Variants in PCNX3 observed in about 807,000 individuals in gnomAD.
PCNX3 encodes the protein pecanex-like protein 3.
Under a neutral mutation model 207.2 loss-of-function variants are expected in PCNX3, and 58 were observed. The observed-to-expected ratio is 0.28, with a 90% confidence interval of 0.23 to 0.35. The LOEUF is 0.35. Ranked by LOEUF, PCNX3 falls within the 10% of genes least tolerant of loss-of-function variation. The pLI is 1.00. For missense variants in PCNX3, 2,410 were observed against 2,774.4 expected (o/e 0.87, Z 2.95); for synonymous variants, 1,337 against 1,183.5 (o/e 1.13, Z -2.66).
chr11:65,619,996 C>T (rs1854997997), intron 8 of PCNX3, 64 bp downstream of exon 8: 3 of 1,493,664 alleles, frequency 2.0e-6, no homozygotes, highest in African/African-American at 1.4e-5. Flanking sequence ...CCTGAGTCCT[C>T]CTAGCAGTGG....
intron 20 of PCNX3, chr11:65,626,470 AT>A (rs1565164863): frequency 2.5e-6 from 1 of 393,022 alleles, no homozygotes; most frequent in African/African-American, 2.1e-5. Context: ...GATTTGAGAT[AT>A]GAAGATCCAT....
rs772544265 is a variant in PCNX3 at position 65,618,775 on chromosome 11, C to T, written c.1413C>T (p.Pro471=). 1.2e-6 allele frequency: 2 copies of T among 1,611,562 alleles called. No individual in the cohort carries two copies. The highest frequency in any genetic ancestry group is 1.7e-6 in the Non-Finnish European group (2 of 1,179,328). The part of the protein sequence containing the change: ...AAGGPRKRRA[P]HGAEEGTAVP... ...GGGGACCCCGGAAGCGGAGGGCCCC[C>T]CATGGGGCTGAGGAGGGAACTGCTG... Residue 471 remains proline (P), a synonymous_variant, in exon 6 of 35, where the codon CCC becomes CCT. Coordinates refer to ENST00000355703, the MANE Select transcript of PCNX3 (RefSeq NM_032223.4).
At chr11:65,621,447 A>G (rs74406198) in intron 10 of PCNX3, among the ~76,000 whole-genome samples, 223 of 152,358 alleles carry the variant, frequency 1.5e-3, no homozygotes, top group African/African-American at 5.1e-3. Context: ...TACTTAATCT[A>G]TTAACACCAG....
intron 27 of PCNX3, 86 bp downstream of exon 27, chr11:65,630,690 T>A: frequency 6.6e-7 from 1 of 1,507,366 alleles, no homozygotes; most frequent in South Asian, 1.3e-5. Flanking sequence ...CTTTCTGGGT[T>A]GTTGGGAGCC....
At position 65,616,171 on chromosome 11, in the gene PCNX3, G is replaced by A. The variant is rs1007010764; in HGVS notation, c.-141G>A. 3.4e-6 allele frequency: 2 copies of A among 584,352 alleles called. No individual in the cohort carries two copies. Among genetic ancestry groups the A allele is most frequent in the Middle Eastern group, 5.1e-4 (1 of 1,972 alleles). 36.2% of individuals were successfully genotyped at this position (584,352 alleles called of 1,614,324 possible). On this transcript the variant is annotated 5_prime_UTR_variant, in exon 1 of 35. Coordinates refer to ENST00000355703, the MANE Select transcript of PCNX3 (RefSeq NM_032223.4). ...CCTGCTCGCACCCTCGCGCGGCCGAGCCCCCCTCCCCCGCTGGGGGAGGCC... is the reference window on the plus strand; with the variant it reads ...CCTGCTCGCACCCTCGCGCGGCCGAACCCCCCTCCCCCGCTGGGGGAGGCC...
intron 20 of PCNX3, 88 bp from the exon 21 acceptor site, chr11:65,626,816 C>G (rs1190177109): frequency 1.3e-6 from 2 of 1,536,332 alleles, no homozygotes; most frequent in African/African-American, 2.7e-5. Context: ...GGAGTCAGGA[C>G]CGCACAGCCT....
Position 65,627,541 on chromosome 11 carries a change from T to C in PCNX3, c.3661T>C (p.Phe1221Leu). 6.2e-7 allele frequency: 1 copy of C among 1,613,796 alleles called. No individual in the cohort carries two copies. Among genetic ancestry groups the C allele is most frequent in the Non-Finnish European group, 8.5e-7 (1 of 1,179,848 alleles). Residue 1221 changes from phenylalanine to leucine, a missense_variant, in exon 22 of 35, where the codon TTT (phenylalanine) becomes CTT (leucine). By Grantham distance (22) the Phe-to-Leu change is conservative. This residue lies in a region of PCNX3 where 333 missense variants were observed against 386.8 expected (regional missense o/e 0.86). Coordinates refer to ENST00000355703, the MANE Select transcript of PCNX3 (RefSeq NM_032223.4). ...HFDYPRLSQG[F>L]LLDYFLMSLL... ...TGACTACCCGCGCCTCTCCCAGGGC[T>C]TTCTGCTTGACTACTTCCTCATGTC...
At chr11:65,616,523 A>T in intron 1 of PCNX3, 59 bp downstream of exon 1, 1 of 1,537,964 alleles carries the variant, frequency 6.5e-7, no homozygotes, top group East Asian at 2.3e-5. Flanking sequence ...CCTGGCAGGG[A>T]TTCAGGGCAG....
intron 27 of PCNX3, among the ~76,000 whole-genome samples, chr11:65,630,807 G>T (rs1855588845): frequency 6.6e-6 from 1 of 152,230 alleles, no homozygotes; most frequent in South Asian, 2.1e-4. Flanking sequence ...GGCTCTGATA[G>T]GTGCCCAGGC....
chr11:65,626,288 C>T (rs938481885), intron 20 of PCNX3: 5 of 687,248 alleles, frequency 7.3e-6, no homozygotes, highest in East Asian at 2.9e-5. Flanking sequence ...CCTGGTCCTG[C>T]CCTCCTTCCT....
At chr11:65,619,439 A>C (rs1224423715) in intron 6 of PCNX3, 98 bp from the exon 7 acceptor site, 2 of 1,517,940 alleles carry the variant, frequency 1.3e-6, no homozygotes, top group Non-Finnish European at 8.8e-7. Context: ...TGGTTGTACT[A>C]GGCCTTTAGC....
chr11:65,618,143 C>G lies in PCNX3; in HGVS notation c.781C>G (p.Arg261Gly), dbSNP rs772564318. Residue 261 changes from arginine to glycine, a missense_variant, in exon 6 of 35, where the codon CGG (arginine) becomes GGG (glycine). Arg to Gly is a moderately radical substitution (Grantham distance 125). Around this residue, in one of 8 missense-constraint regions of PCNX3, gnomAD observed 1,104 missense variants for 970.3 expected, o/e 1.14. Coordinates refer to ENST00000355703, the MANE Select transcript of PCNX3 (RefSeq NM_032223.4). ...CTTCCTGACCCTGACCCAGCCTGAC[C>G]GGGCCCTGGTGAGGACCAGCAGTCG... is the stretch of plus-strand genomic sequence containing the variant. ...KSFLTLTQPD[R>G]ALVRTSSRRE... 3.1e-6 allele frequency: 5 copies of G among 1,610,116 alleles called. No homozygotes were observed. In the East Asian group the frequency reaches 8.9e-5, roughly 29 times the overall value.
At chr11:65,627,350 A>G (rs945610369) in intron 21 of PCNX3, 55 bp from the exon 22 acceptor site, 4 of 1,562,810 alleles carry the variant, frequency 2.6e-6, no homozygotes, top group Non-Finnish European at 3.5e-6. Flanking sequence ...TGGGACACCT[A>G]TACCCACTGC....
At position 65,616,434 on chromosome 11, in the gene PCNX3, C is replaced by A; in HGVS notation, c.123C>A (p.Phe41Leu). ...GCTTCCACCTCTATGTCTGGATCTTCCTGCTCATCTTTCCCTTCTTACTGT... is the reference window on the plus strand; with the variant it reads ...GCTTCCACCTCTATGTCTGGATCTTACTGCTCATCTTTCCCTTCTTACTGT... ...SNCFHLYVWIFLLIFPFLLYM... is the reference protein window; with the variant it reads ...SNCFHLYVWILLLIFPFLLYM... Residue 41 changes from phenylalanine to leucine, a missense_variant, in exon 1 of 35, where the codon TTC becomes TTA. Coordinates refer to ENST00000355703, the MANE Select transcript of PCNX3 (RefSeq NM_032223.4). 6.2e-7 allele frequency: 1 copy of A among 1,609,496 alleles called. No homozygotes were observed.
In PCNX3 at chr11:65,625,863, C is replaced by T. The variant is rs768684147; in HGVS notation, c.3229-41C>T. 5.6e-6 allele frequency: 9 copies of T among 1,603,974 alleles called. No individual in the cohort carries two copies. In the Admixed American group the frequency reaches 1.2e-4, roughly 21 times the overall value. The stretch of plus-strand genomic sequence containing the variant: ...AGGTGGCCCTCTGTGGTCCCTTGGC[C>T]TGCTCCCATCAGCTGAGTCTCTGGC... On this transcript the variant is annotated intron_variant, in intron 19 of 34. Coordinates refer to ENST00000355703, the MANE Select transcript of PCNX3 (RefSeq NM_032223.4). This position sits in a 1 kb window ranked among gnomAD's most constrained non-coding sequence, Gnocchi z 5.6.
Position 65,624,357 on chromosome 11 carries a change from G to C in PCNX3, c.2707G>C (p.Val903Leu). The C allele has an allele frequency of 6.4e-7, 1 of 1,554,160 alleles. No homozygotes were observed. Residue 903 changes from valine to leucine, a missense_variant, in exon 14 of 35, where the codon GTG (valine) becomes CTG (leucine). By Grantham distance (32) the Val-to-Leu change is conservative. This residue lies in a region of PCNX3 where 177 missense variants were observed against 257.5 expected (regional missense o/e 0.69). Transcript: ENST00000355703. ...CTCCTTCTTCTTCTGTGCCCGAGAC[G>C]TGGCCACTGGTGAGGCTGGGGCAGG... ...SASFFFCARD[V>L]ATVFTLCFPF...
Position 65,635,072 on chromosome 11 carries a change from T to C in PCNX3, c.4905T>C (p.Leu1635=). 1 of 1,613,810 alleles carries C rather than the reference T, an allele frequency of 6.2e-7. No homozygotes were observed. The highest frequency in any genetic ancestry group is 8.5e-7 in the Non-Finnish European group (1 of 1,179,816). Reference sequence around the variant, plus strand: ...GGGTCTTTGCCGACATGGACCTGCTTCACCGCGTTGTGGCGCCTGGGGTTC... The same window carrying C: ...GGGTCTTTGCCGACATGGACCTGCTCCACCGCGTTGTGGCGCCTGGGGTTC... ...DEWVFADMDL[L]HRVVAPGVRM... is the part of the protein sequence containing the mutation. Residue 1635 remains leucine, a synonymous_variant, in exon 30 of 35, where the codon CTT becomes CTC. Coordinates refer to ENST00000355703, the MANE Select transcript of PCNX3 (RefSeq NM_032223.4). This position sits in a 1 kb window ranked among gnomAD's most constrained non-coding sequence, Gnocchi z 9.9.
At chr11:65,631,665 A>C (rs185092307) in intron 27 of PCNX3, among the ~76,000 whole-genome samples, 6 of 152,250 alleles carry the variant, frequency 3.9e-5, no homozygotes, top group Non-Finnish European at 5.9e-5. Context: ...TCAAAAAAAA[A>C]AAAGGAATTT....
At position 65,625,633 on chromosome 11, in the gene PCNX3, G is replaced by C; in HGVS notation, c.3136-19G>C. On this transcript the variant is annotated intron_variant, in intron 18 of 34. Coordinates refer to ENST00000355703, the MANE Select transcript of PCNX3 (RefSeq NM_032223.4). The surrounding 1 kb of genome is among the most constrained non-coding windows in gnomAD (Gnocchi z 5.6). Reference sequence around the variant, plus strand: ...GTCTCTCCTGGCCGGGCAGCTGAATGTCTCTCCTGGCCCTGCAGCGTGAGG... The same window carrying C: ...GTCTCTCCTGGCCGGGCAGCTGAATCTCTCTCCTGGCCCTGCAGCGTGAGG... 6.2e-7 allele frequency: 1 copy of C among 1,611,318 alleles called. No individual in the cohort carries two copies. The highest frequency in any genetic ancestry group is 8.5e-7 in the Non-Finnish European group (1 of 1,178,972).
Sources: gnomAD v4.1 joint callset for allele counts (sites outside exome capture counted in the v4.1 genomes callset) on GRCh38, gnomAD v4.1.1 for gene constraint, gnomAD v4.1.1 regional missense constraint, Gnocchi (gnomAD v3.1) non-coding constraint, MANE v1.5 for transcripts, NCBI Gene and HGNC (gene_info 2026-07-23, HGNC 2026-07-21) for gene names.